ASRGL1: variants seen among roughly 807,000 people sequenced by gnomAD.
The protein encoded by ASRGL1 is isoaspartyl peptidase/L-asparaginase.
In ASRGL1, 16 loss-of-function variants were observed where a neutral mutation model predicts 22.4. The ratio of observed to expected loss-of-function variants is 0.71; its 90% CI spans 0.48 to 1.08. The LOEUF (loss-of-function observed/expected upper bound fraction) is 1.08, where lower values mean the gene tolerates loss of function less well. Ranked by LOEUF, ASRGL1 falls within the 50% of genes least tolerant of loss-of-function variation. The pLI is 0.00. For missense variants in ASRGL1, 412 were observed against 410.1 expected (o/e 1.00, Z -0.04); for synonymous variants, 165 against 159.3 (o/e 1.04, Z -0.27).
At chr11:62,354,793 G>C (rs1946240515) in intron 2 of ASRGL1, among the ~76,000 whole-genome samples, 1 of 152,140 alleles carries the variant, frequency 6.6e-6, no homozygotes, top group South Asian at 2.1e-4. Flanking sequence ...CAAGGCTGTG[G>C]ATAAGGGGAC....
intron 4 of ASRGL1, among the ~76,000 whole-genome samples, chr11:62,384,214 CA>C (rs532035884): frequency 3.3e-5 from 5 of 151,242 alleles, no homozygotes; most frequent in East Asian, 1.9e-4. Context: ...GTCTCAAAAA[CA>C]AAAAAAAGTC....
intron 4 of ASRGL1, among the ~76,000 whole-genome samples, chr11:62,370,479 C>T (rs1342606064): frequency 1.3e-5 from 2 of 152,130 alleles, no homozygotes; most frequent in Non-Finnish European, 2.9e-5. Flanking sequence ...CCACAGTAAG[C>T]CTCCATAATT....
chr11:62,362,544 ATATATAACATATATTATT>A (rs1295386230), intron 4 of ASRGL1, among the ~76,000 whole-genome samples: 4,617 of 19,004 alleles, frequency 0.24, 801 homozygotes, highest in Non-Finnish European at 0.32. Context: ...ATTATATAAA[ATATATAACATATATTATT>A]TATATAATAT....
intron 2 of ASRGL1, among the ~76,000 whole-genome samples, chr11:62,345,361 C>T (rs12285902): frequency 0.28 from 42,392 of 151,928 alleles, 5,999 homozygotes; most frequent in South Asian, 0.36. Context: ...CTCCACCTCC[C>T]GAGTACAAGT....
intron 2 of ASRGL1, among the ~76,000 whole-genome samples, chr11:62,344,542 A>G (rs1163445201): frequency 1.3e-5 from 2 of 149,768 alleles, no homozygotes; most frequent in Non-Finnish European, 3.0e-5. Flanking sequence ...TCTGTGATTC[A>G]CTTTGAATAA....
At chr11:62,372,064 G>T in intron 4 of ASRGL1, 2 of 757,668 alleles carry the variant, frequency 2.6e-6, no homozygotes, top group Admixed American at 1.8e-5. Flanking sequence ...TCCGGGTGCG[G>T]ACAGTGGTCT....
chr11:62,363,329 A>G (rs1013489760), intron 4 of ASRGL1, among the ~76,000 whole-genome samples: 1 of 152,142 alleles, frequency 6.6e-6, no homozygotes, highest in Non-Finnish European at 1.5e-5. Flanking sequence ...GGAAATTGAA[A>G]CAAGGGAACA....
chr11:62,389,017 A>G (rs1313616336), intron 4 of ASRGL1, 116 bp from the exon 5 acceptor site: 9 of 867,670 alleles, frequency 1.0e-5, no homozygotes, highest in South Asian at 6.5e-5. Context: ...TTGGAATTAA[A>G]TGGGTGCCCC....
At chr11:62,343,918 CT>C (rs34446979) in intron 2 of ASRGL1, among the ~76,000 whole-genome samples, 1,382 of 100,586 alleles carry the variant, frequency 0.014, 9 homozygotes, top group East Asian at 0.045. Context: ...TCATGCATTT[CT>C]TTTTTTTTTT....
intron 4 of ASRGL1, among the ~76,000 whole-genome samples, chr11:62,375,427 TTTATATATATA>T: frequency 1.2e-5 from 1 of 85,736 alleles, no homozygotes; most frequent in African/African-American, 4.4e-5. Flanking sequence ...ATTGTCTTAC[TTTATATATATA>T]TATATATATA....
chr11:62,350,795 C>G (rs1946150288), intron 2 of ASRGL1, among the ~76,000 whole-genome samples: 1 of 151,908 alleles, frequency 6.6e-6, no homozygotes, highest in African/African-American at 2.4e-5. Flanking sequence ...GACTCTGTCT[C>G]AAAAAAGAAA....
intron 4 of ASRGL1, among the ~76,000 whole-genome samples, chr11:62,358,762 C>T (rs182832593): frequency 3.2e-4 from 48 of 152,266 alleles, no homozygotes; most frequent in African/African-American, 1.1e-3. Context: ...TCTCCACATC[C>T]GTTGCTCTAT....
At chr11:62,347,517 G>A (rs961329046) in intron 2 of ASRGL1, among the ~76,000 whole-genome samples, 2 of 152,100 alleles carry the variant, frequency 1.3e-5, no homozygotes, top group African/African-American at 4.8e-5. Context: ...TACCACTTTG[G>A]CGCTTCCAAG....
At chr11:62,361,094 GA>G (rs1275714734) in intron 4 of ASRGL1, among the ~76,000 whole-genome samples, 1 of 152,168 alleles carries the variant, frequency 6.6e-6, no homozygotes, top group Non-Finnish European at 1.5e-5. Flanking sequence ...CTAGGATAGA[GA>G]ATTCCAACAG....
At chr11:62,354,922 A>G (rs1946243097) in intron 2 of ASRGL1, among the ~76,000 whole-genome samples, 1 of 152,056 alleles carries the variant, frequency 6.6e-6, no homozygotes, top group Non-Finnish European at 1.5e-5. Flanking sequence ...TTTGTAGGTC[A>G]TGGAGTGCCA....
the ASRGL1 span, among the ~76,000 whole-genome samples, chr11:62,401,244 G>A: frequency 6.6e-6 from 1 of 152,220 alleles, no homozygotes; most frequent in African/African-American, 2.4e-5. Flanking sequence ...TAGCAAATGA[G>A]GATGCCAGGA....
At chr11:62,395,740 T>C (rs1332088748), downstream of ASRGL1, among the ~76,000 whole-genome samples, 1 of 148,676 alleles carries the variant, frequency 6.7e-6, no homozygotes, top group Non-Finnish European at 1.5e-5. Context: ...ATCACTGCAT[T>C]TGGATTTTGT....
Position 62,391,981 on chromosome 11 carries a change from C to T in ASRGL1, c.722-98C>T, listed in dbSNP as rs1002343125. 2.1e-6 allele frequency: 3 copies of T among 1,413,904 alleles called. No individual in the cohort carries two copies. The Admixed American group carries it at 5.3e-5, about 25-fold the overall frequency. 87.6% of individuals were successfully genotyped at this position (1,413,904 alleles called of 1,614,324 possible). ...ATTCAGGCGTTCATTTACCAAAAATCCTTGCTAGCTCACTTTGGCATTTCA... is the reference window on the plus strand; with the variant it reads ...ATTCAGGCGTTCATTTACCAAAAATTCTTGCTAGCTCACTTTGGCATTTCA... On this transcript the variant is annotated intron_variant, in intron 6 of 6. Transcript: ENST00000415229.
chr11:62,348,394 G>A (rs1946083331), intron 2 of ASRGL1, among the ~76,000 whole-genome samples: 1 of 152,052 alleles, frequency 6.6e-6, no homozygotes, highest in South Asian at 2.1e-4. Flanking sequence ...CTGCTGATTG[G>A]GGCAGAGATG....
Sources: gnomAD v4.1 joint callset for allele counts (sites outside exome capture counted in the v4.1 genomes callset) on GRCh38, gnomAD v4.1.1 for gene constraint, MANE v1.5 for transcripts, NCBI Gene and HGNC (gene_info 2026-07-23, HGNC 2026-07-21) for gene names.